DGCR2: variants seen among roughly 807,000 people sequenced by gnomAD.
DGCR2 encodes integral membrane protein DGCR2/IDD.
A neutral mutation model predicts 51.6 loss-of-function variants in DGCR2; 24 were observed. The ratio of observed to expected loss-of-function variants is 0.47; its 90% CI spans 0.34 to 0.65. DGCR2 has a LOEUF of 0.65. DGCR2 is among the 30% of genes least tolerant of loss of function. DGCR2 has a pLI of 0.01. For synonymous variants in DGCR2, 340 were observed against 315.4 expected (o/e 1.08, Z -0.82); for missense variants, 765 against 772.1 (o/e 0.99, Z 0.11).
At position 19,063,245 on chromosome 22, in the gene DGCR2, G is replaced by A. The variant is rs1241560384; in HGVS notation, c.582C>T (p.Gly194=). 4.3e-6 allele frequency: 7 copies of A among 1,614,064 alleles called. No individual in the cohort carries two copies. The highest frequency in any genetic ancestry group is 1.7e-5 in the Admixed American group (1 of 59,998). The stretch of plus-strand genomic sequence containing the variant: ...AGCGACCTTCCAAGGAGCGGTTCCG[G>A]CCAGTGATAACATACTGATAGCCAA... The part of the protein sequence containing the change: ...LWVGYQYVIT[G]RNRSLEGRWE... Residue 194 remains glycine, a synonymous_variant, in exon 5 of 10, where the codon GGC becomes GGT. Coordinates refer to ENST00000263196, the MANE Select transcript of DGCR2 (RefSeq NM_005137.3).
In DGCR2 at chr22:19,089,453, G is replaced by A. The variant is rs1166399589; in HGVS notation, c.117C>T (p.Ser39=). 11 of 1,604,150 alleles carry A rather than the reference G, an allele frequency of 6.9e-6. No individual in the cohort carries two copies. The highest frequency in any genetic ancestry group is 8.5e-6 in the Non-Finnish European group (10 of 1,174,934). Residue 39 remains serine, a synonymous_variant, in exon 2 of 10, where the codon AGC becomes AGT. Coordinates refer to ENST00000263196, the MANE Select transcript of DGCR2 (RefSeq NM_005137.3). ...GGAGGGGGATGCACTGGATGGTGCC[G>A]CTGCGACACGCAAACTGCCCAGGGT... is the stretch of plus-strand genomic sequence containing the variant. ...RCNPGQFACR[S]GTIQCIPLPW... is the part of the protein sequence containing the mutation.
intron 2 of DGCR2, among the ~76,000 whole-genome samples, chr22:19,073,517 C>G (rs1040977439): frequency 2.0e-5 from 3 of 152,026 alleles, no homozygotes; most frequent in Non-Finnish European, 4.4e-5. Flanking sequence ...AGGCATGAGT[C>G]TAAGATGAAA....
At chr22:19,063,364 C>CTCCGTCTCAAAA in intron 4 of DGCR2, 86 bp from the exon 5 acceptor site, 3 of 1,301,450 alleles carry the variant, frequency 2.3e-6, no homozygotes, top group Non-Finnish European at 2.2e-6. Flanking sequence ...TTTTTTGAGA[C>CTCCGTCTCAAAA]AGAGTCTCGC....
rs1271798029 is a variant in DGCR2, at chr22:19,036,537, C to A, written c.*2328G>T. 1 of 152,384 alleles carries A rather than the reference C, an allele frequency of 6.6e-6. No homozygotes were observed. The highest frequency in any genetic ancestry group is 1.9e-4 in the East Asian group (1 of 5,186). 9.4% of individuals were successfully genotyped at this position (152,384 alleles called of 1,614,324 possible). A position where few individuals can be genotyped will look rare whatever the true frequency, so the allele number is the denominator to read the frequency against. On this transcript the variant is annotated 3_prime_UTR_variant, in exon 10 of 10. Coordinates refer to ENST00000263196, the MANE Select transcript of DGCR2 (RefSeq NM_005137.3). ...AGCACAAGGTTCAGCAAGGGTGACC[C>A]CGGGACTTGCTGGTCAGACTGGGGA...
intron 1 of DGCR2, among the ~76,000 whole-genome samples, chr22:19,098,049 A>G (rs529864107): frequency 5.4e-4 from 82 of 152,138 alleles, no homozygotes; most frequent in Non-Finnish European, 9.6e-4. Context: ...CCCCACACGG[A>G]TTTTCTGTCC....
At chr22:19,119,920 A>G (rs1240236488) in intron 1 of DGCR2, among the ~76,000 whole-genome samples, 3 of 151,936 alleles carry the variant, frequency 2.0e-5, no homozygotes, top group African/African-American at 4.8e-5. Context: ...GTGGGCTCTG[A>G]CTGATACCTT....
At chr22:19,055,167 C>T (rs1424643832) in intron 6 of DGCR2, among the ~76,000 whole-genome samples, 2 of 151,830 alleles carry the variant, frequency 1.3e-5, no homozygotes, top group African/African-American at 4.8e-5. Context: ...ACCAAATCCA[C>T]CAATATAATA....
chr22:19,062,775 G>GTCTCTCTCTCTCTCTCTCTCTCT (rs2082685543), intron 5 of DGCR2, among the ~76,000 whole-genome samples: 1 of 108,860 alleles, frequency 9.2e-6, no homozygotes, highest in Non-Finnish European at 1.9e-5. Flanking sequence ...ACACATGCAT[G>GTCTCTCTCTCTCTCTCTCTCTCT]CTCACTCTCT....
chr22:19,068,255 G>T (rs752523957), intron 2 of DGCR2, 30 bp from the exon 3 acceptor site: 1 of 1,559,216 alleles, frequency 6.4e-7, no homozygotes, highest in Non-Finnish European at 8.7e-7. Flanking sequence ...TGTGCTGTGA[G>T]TCCTGCCTGT....
At position 19,057,937 on chromosome 22, in the gene DGCR2, A is replaced by G. The variant is rs1175315053; in HGVS notation, c.626-775T>C. 6.6e-6 allele frequency among the ~76,000 whole-genome samples: 1 copy of G among 152,126 alleles called. No homozygotes were observed. The highest frequency in any genetic ancestry group is 1.5e-5 in the Non-Finnish European group (1 of 68,008). On this transcript the variant is annotated intron_variant, in intron 5 of 9. Coordinates refer to ENST00000263196, the MANE Select transcript of DGCR2 (RefSeq NM_005137.3). This position sits in a 1 kb window ranked among gnomAD's most constrained non-coding sequence, Gnocchi z 5.1. ...ACTCTCTCCCCTGCACGGCCCTTCC[A>G]GTCTGGGCTGCCAAGATTCCTTGAG...
At chr22:19,063,815 T>A (rs1050582688) in intron 4 of DGCR2, among the ~76,000 whole-genome samples, 2 of 152,202 alleles carry the variant, frequency 1.3e-5, no homozygotes, top group Non-Finnish European at 2.9e-5. Context: ...ACAATCTTAT[T>A]CTTGGTAGAC....
rs1331045160 is a variant in DGCR2 at position 19,065,015 on chromosome 22, G to A, written c.381C>T (p.Ser127=). The change falls in exon 4 of 10, where the codon AGC becomes AGT. Residue 127 remains serine, a synonymous_variant. Transcript: ENST00000263196. ...TGWHHYEGTA[S]CYRVYLSGEN... Reference sequence around the variant, plus strand: ...CCCCGCTCAGGTAGACCCGGTAGCAGCTGGCCGTGCCTTCGTAGTGGTGCC... The same window carrying A: ...CCCCGCTCAGGTAGACCCGGTAGCAACTGGCCGTGCCTTCGTAGTGGTGCC... 1.9e-6 allele frequency: 3 copies of A among 1,614,058 alleles called. No individual in the cohort carries two copies. Among genetic ancestry groups the A allele is most frequent in the Non-Finnish European group, 2.5e-6 (3 of 1,180,046 alleles).
intron 1 of DGCR2, among the ~76,000 whole-genome samples, chr22:19,112,562 C>A (rs747443599): frequency 1.4e-5 from 2 of 143,348 alleles, no homozygotes; most frequent in Non-Finnish European, 3.1e-5. Context: ...CCACCTCAGT[C>A]CCCTCCAAGT....
intron 6 of DGCR2, among the ~76,000 whole-genome samples, chr22:19,052,767 T>C (rs1212520900): frequency 6.6e-6 from 1 of 151,620 alleles, no homozygotes; most frequent in Non-Finnish European, 1.5e-5. Flanking sequence ...ACAGAGACCT[T>C]GTCGCCAAAA....
Position 19,122,260 on chromosome 22 carries a change from TGAGGGTCAGGGGACCGTGCCAAGCG to T in DGCR2, c.-79_-55del, listed in dbSNP as rs1245564474. 1.5e-5 allele frequency: 20 copies of T among 1,379,194 alleles called. No homozygotes were observed. The highest frequency in any genetic ancestry group is 1.7e-5 in the Non-Finnish European group (18 of 1,035,476). The allele number at this position is 1,379,194 out of a possible 1,614,324, so 85.4% of individuals were successfully genotyped here. A position where few individuals can be genotyped will look rare whatever the true frequency, so the allele number is the denominator to read the frequency against. Reference sequence around the variant, plus strand: ...GCTGGAAGGCCGGACCAGGCCGGACTGAGGGTCAGGGGACCGTGCCAAGCGGAGGGTCAGGCGGAGCTGAACCTGG... The same window carrying T: ...GCTGGAAGGCCGGACCAGGCCGGACTGAGGGTCAGGCGGAGCTGAACCTGG... On this transcript the variant is annotated 5_prime_UTR_variant, in exon 1 of 10. Coordinates refer to ENST00000263196, the MANE Select transcript of DGCR2 (RefSeq NM_005137.3).
intron 7 of DGCR2, chr22:19,045,149 G>A (rs796306707): frequency 6.6e-6 from 1 of 152,242 alleles, no homozygotes; most frequent in Non-Finnish European, 1.5e-5. Context: ...GAGGGACAGT[G>A]TAAGGTTCGT....
chr22:19,058,980 C>G (rs574812103), intron 5 of DGCR2, among the ~76,000 whole-genome samples: 11 of 152,224 alleles, frequency 7.2e-5, no homozygotes, highest in East Asian at 5.8e-4. Flanking sequence ...GCTGGTCATG[C>G]GGGCACTGCA....
rs759590860 is a variant in DGCR2 at position 19,056,947 on chromosome 22, C to T, written c.802+39G>A. ...GGGTCCAACAAAGTGACACAAGGGCCCAGACATTCCCCAAGAACGCCAGCT... is the reference window on the plus strand; with the variant it reads ...GGGTCCAACAAAGTGACACAAGGGCTCAGACATTCCCCAAGAACGCCAGCT... On this transcript the variant is annotated intron_variant, in intron 6 of 9. Coordinates refer to ENST00000263196, the MANE Select transcript of DGCR2 (RefSeq NM_005137.3). The T allele has an allele frequency of 5.9e-6, 9 of 1,528,954 alleles. No individual in the cohort carries two copies. The South Asian group carries it at 1.1e-4, about 19-fold the overall frequency. 94.7% of individuals were successfully genotyped at this position (1,528,954 alleles called of 1,614,324 possible). A position where few individuals can be genotyped will look rare whatever the true frequency, so the allele number is the denominator to read the frequency against.
chr22:19,122,006 C>T, intron 1 of DGCR2, 122 bp downstream of exon 1: 1 of 587,430 alleles, frequency 1.7e-6, no homozygotes, highest in Non-Finnish European at 2.4e-6. Flanking sequence ...GAGCCAGGCC[C>T]CGCCCGCCCC....
Sources: gnomAD v4.1 joint callset for allele counts (sites outside exome capture counted in the v4.1 genomes callset) on GRCh38, gnomAD v4.1.1 for gene constraint, Gnocchi (gnomAD v3.1) non-coding constraint, MANE v1.5 for transcripts, NCBI Gene and HGNC (gene_info 2026-07-23, HGNC 2026-07-21) for gene names.